The following KCNB2 variants were observed in gnomAD, a reference collection of about 807,000 sequenced individuals.
The protein encoded by KCNB2 is delayed rectifier potassium channel protein.
In KCNB2, 15 loss-of-function variants were observed where a neutral mutation model predicts 61.5. That is an observed-to-expected ratio of 0.24 (90% CI 0.16 to 0.38). The LOEUF is 0.38. KCNB2 is among the 10% of genes least tolerant of loss of function. The pLI is 1.00. For missense variants in KCNB2, 828 were observed against 1,125.2 expected (o/e 0.74, Z 3.78); for synonymous variants, 457 against 446.0 (o/e 1.02, Z -0.31).
At chr8:72,915,253 G>A (rs1178239489) in intron 2 of KCNB2, among the ~76,000 whole-genome samples, 1 of 152,084 alleles carries the variant, frequency 6.6e-6, no homozygotes, top group Non-Finnish European at 1.5e-5. Flanking sequence ...GGAAGAAGCT[G>A]CAGGGAGAAT....
At chr8:72,789,870 G>T (rs1808908934) in intron 2 of KCNB2, among the ~76,000 whole-genome samples, 1 of 151,978 alleles carries the variant, frequency 6.6e-6, no homozygotes, top group Non-Finnish European at 1.5e-5. Context: ...TCAGGAAATG[G>T]GAGTAGAACT....
chr8:72,558,051 G>T (rs551628127), intron 1 of KCNB2, among the ~76,000 whole-genome samples: 2 of 152,158 alleles, frequency 1.3e-5, no homozygotes, highest in East Asian at 3.9e-4. Flanking sequence ...TCATTTTTTG[G>T]GGGTAGTCCA....
chr8:72,740,534 C>T (rs1005560771), intron 2 of KCNB2, among the ~76,000 whole-genome samples: 1 of 152,128 alleles, frequency 6.6e-6, no homozygotes, highest in African/African-American at 2.4e-5. Context: ...TAAAACCCTT[C>T]CCAAAGAGCA....
intron 2 of KCNB2, among the ~76,000 whole-genome samples, chr8:72,659,798 A>C (rs1806350082): frequency 1.3e-5 from 2 of 152,252 alleles, no homozygotes; most frequent in African/African-American, 4.8e-5. Context: ...TTCATAATAA[A>C]GTATTTTAAA....
At chr8:72,646,364 A>G (rs1806128809) in intron 2 of KCNB2, among the ~76,000 whole-genome samples, 1 of 152,158 alleles carries the variant, frequency 6.6e-6, no homozygotes. Context: ...AAGTTCTTAT[A>G]TCTTGTGGGT....
intron 2 of KCNB2, among the ~76,000 whole-genome samples, chr8:72,884,120 G>A (rs982778708): frequency 2.6e-5 from 4 of 152,158 alleles, no homozygotes; most frequent in African/African-American, 9.7e-5. Flanking sequence ...ACAATATGAG[G>A]ATAAAATGAC....
At chr8:72,700,445 T>G (rs530326261) in intron 2 of KCNB2, among the ~76,000 whole-genome samples, 1 of 151,870 alleles carries the variant, frequency 6.6e-6, no homozygotes, top group Non-Finnish European at 1.5e-5. Flanking sequence ...AAGTGGCCAA[T>G]AAACATATGA....
chr8:72,740,849 G>C (rs1807941953), intron 2 of KCNB2, among the ~76,000 whole-genome samples: 1 of 152,160 alleles, frequency 6.6e-6, no homozygotes, highest in Non-Finnish European at 1.5e-5. Context: ...GACAGGTAGA[G>C]ATTTGCAGCA....
chr8:72,598,284 G>A (rs933466177), intron 2 of KCNB2, among the ~76,000 whole-genome samples: 1 of 151,834 alleles, frequency 6.6e-6, no homozygotes, highest in Non-Finnish European at 1.5e-5. Flanking sequence ...TCAGATGCAA[G>A]GCTGGTTCAA....
At chr8:72,699,826 C>G (rs560998535) in intron 2 of KCNB2, among the ~76,000 whole-genome samples, 1 of 152,106 alleles carries the variant, frequency 6.6e-6, no homozygotes, top group African/African-American at 2.4e-5. Flanking sequence ...ACCATTTGAC[C>G]CAGCAATCCC....
At chr8:72,802,905 T>C (rs1809155532) in intron 2 of KCNB2, among the ~76,000 whole-genome samples, 1 of 152,170 alleles carries the variant, frequency 6.6e-6, no homozygotes, top group Non-Finnish European at 1.5e-5. Flanking sequence ...TCTTCACTCT[T>C]TTGATGAATG....
intron 1 of KCNB2, among the ~76,000 whole-genome samples, chr8:72,567,430 T>C (rs1422525355): frequency 2.0e-5 from 3 of 152,186 alleles, no homozygotes; most frequent in African/African-American, 7.2e-5. Flanking sequence ...CACAACCTCT[T>C]CTGTGTAGTA....
intron 1 of KCNB2, among the ~76,000 whole-genome samples, chr8:72,553,712 C>T (rs774937068): frequency 2.0e-5 from 3 of 152,040 alleles, no homozygotes; most frequent in Non-Finnish European, 2.9e-5. Context: ...TGGTTTCATT[C>T]CAGCCCAGCC....
intron 2 of KCNB2, among the ~76,000 whole-genome samples, chr8:72,775,801 G>A (rs1563381618): frequency 6.6e-6 from 1 of 151,964 alleles, no homozygotes; most frequent in Non-Finnish European, 1.5e-5. Context: ...CTTAGGCTGT[G>A]CCTTTCTTTA....
intron 2 of KCNB2, among the ~76,000 whole-genome samples, chr8:72,869,424 G>T (rs925302095): frequency 1.3e-5 from 2 of 152,096 alleles, no homozygotes; most frequent in African/African-American, 4.8e-5. Flanking sequence ...AAGAATAGGA[G>T]AAAATATTTG....
At chr8:72,883,631 A>T (rs1252782313) in intron 2 of KCNB2, among the ~76,000 whole-genome samples, 1 of 152,156 alleles carries the variant, frequency 6.6e-6, no homozygotes, top group Non-Finnish European at 1.5e-5. Flanking sequence ...GTGTATAAGG[A>T]TAGCTGAAGC....
intron 2 of KCNB2, among the ~76,000 whole-genome samples, chr8:72,576,190 G>A (rs1318073333): frequency 6.6e-6 from 1 of 152,176 alleles, no homozygotes; most frequent in East Asian, 1.9e-4. Flanking sequence ...CTTAGCATTG[G>A]TGGTTTGATT....
At chr8:72,896,754 C>A (rs940302778) in intron 2 of KCNB2, among the ~76,000 whole-genome samples, 3 of 152,104 alleles carry the variant, frequency 2.0e-5, no homozygotes, top group Non-Finnish European at 2.9e-5. Flanking sequence ...GACTGATTTT[C>A]ATATACCATC....
chr8:72,613,354 T>A (rs1215148622), intron 2 of KCNB2, among the ~76,000 whole-genome samples: 1 of 152,212 alleles, frequency 6.6e-6, no homozygotes, highest in Non-Finnish European at 1.5e-5. Context: ...CTATGATGAC[T>A]GAATTTATAT....
Sources: allele counts gnomAD v4.1 joint callset (sites outside exome capture counted in the v4.1 genomes callset), GRCh38; gene constraint gnomAD v4.1.1; transcripts MANE v1.5; gene names NCBI Gene and HGNC (gene_info 2026-07-23, HGNC 2026-07-21).